The following MECOM variants were observed in gnomAD, a reference collection of about 807,000 sequenced individuals.
The protein encoded by MECOM is MDS1 and EVI1 complex locus.
In MECOM, 13 loss-of-function variants were observed where a neutral mutation model predicts 116.3. The ratio of observed to expected loss-of-function variants is 0.11; its 90% CI spans 0.07 to 0.18. The LOEUF is 0.18. Among genes scored for constraint, MECOM ranks in the 10% least tolerant of loss-of-function variants. The pLI is 1.00. For missense variants in MECOM, 1,299 were observed against 1,509.0 expected, an observed-to-expected ratio of 0.86 and a Z score of 2.31; for synonymous variants, 528 against 535.2, an observed-to-expected ratio of 0.99 and a Z score of 0.19.
chr3:169,129,964 T>C (rs2149194284), intron 4 of MECOM, among the ~76,000 whole-genome samples: 1 of 152,336 alleles, frequency 6.6e-6, no homozygotes, highest in South Asian at 2.1e-4. Context: ...TACATGTGTT[T>C]CATTTTCTTT....
rs138113138 is a variant in MECOM, at chr3:169,567,390, G to A, written c.37+95946C>T. Among the ~76,000 whole-genome samples the A allele has an allele frequency of 6.6e-3, 999 of 152,280 alleles. 14 individuals carry two copies. Among genetic ancestry groups the A allele is most frequent in the African/African-American group, 0.023 (954 of 41,530 alleles). ...TAGCATGTGGCAGGACTTGGATTCC[G>A]ACTGAAGACTCTTTTAATTCAAAGG... On this transcript the variant is annotated intron_variant, in intron 1 of 16. Coordinates refer to ENST00000651503, the MANE Select transcript of MECOM (RefSeq NM_004991.4).
intron 1 of MECOM, among the ~76,000 whole-genome samples, chr3:169,387,857 A>T (rs1453237916): frequency 6.6e-6 from 1 of 152,116 alleles, no homozygotes; most frequent in Non-Finnish European, 1.5e-5. Flanking sequence ...TGCCAAGAGG[A>T]GCTCAACTAG....
rs1728991341 is a variant in MECOM, at chr3:169,115,818, T to C, written c.2054A>G (p.Lys685Arg). 4 of 1,613,962 alleles carry C rather than the reference T, an allele frequency of 2.5e-6. No homozygotes were observed. In the South Asian group the frequency reaches 3.3e-5, roughly 13 times the overall value. Reference sequence around the variant, plus strand: ...GGAAGGGTAAGGTAAAGCTCCAACTTTTTTGTCTTGCAGCCCCACCAGTCC... The same window carrying C: ...GGAAGGGTAAGGTAAAGCTCCAACTCTTTTGTCTTGCAGCCCCACCAGTCC... ...STGLVGLQDK[K>R]VGALPYPSMF... The change falls in exon 8 of 17, where the codon AAA becomes AGA. Residue 685 changes from lysine to arginine, a missense_variant. By Grantham distance (26) the Lys-to-Arg change is conservative (BLOSUM62 2). This residue lies in a region of MECOM where 340 missense variants were observed against 312.6 expected (regional missense o/e 1.09). Transcript: ENST00000651503.
chr3:169,546,686 G>A (rs758382708), intron 1 of MECOM, among the ~76,000 whole-genome samples: 83 of 152,018 alleles, frequency 5.5e-4, no homozygotes, highest in South Asian at 1.7e-3. Context: ...CTGGCTATTA[G>A]GTGTTCTACT....
intron 1 of MECOM, among the ~76,000 whole-genome samples, chr3:169,652,298 C>T (rs751196499): frequency 1.3e-5 from 2 of 152,148 alleles, no homozygotes; most frequent in Admixed American, 6.5e-5. Context: ...TCCCTCCATT[C>T]GTTTTTATTA....
rs1753917740 is a variant in MECOM, at chr3:169,235,483, A to C, written c.376-91651T>G. On this transcript the variant is annotated intron_variant, in intron 2 of 16. Coordinates refer to ENST00000651503, the MANE Select transcript of MECOM (RefSeq NM_004991.4). ...TATTGTTAATGACAAATGCACATGC[A>C]TACACACACACACCTCTCACATATG... Among the ~76,000 whole-genome samples the C allele has an allele frequency of 2.6e-5, 4 of 152,184 alleles. No homozygotes were observed. In the South Asian group the frequency reaches 8.3e-4, roughly 31 times the overall value.
chr3:169,599,285 G>A (rs1297591465), intron 1 of MECOM, among the ~76,000 whole-genome samples: 2 of 152,154 alleles, frequency 1.3e-5, no homozygotes, highest in Non-Finnish European at 2.9e-5. Flanking sequence ...GAAGGCCGAG[G>A]CGGGCAGATC....
intron 2 of MECOM, among the ~76,000 whole-genome samples, chr3:169,336,251 A>G (rs1723572831): frequency 6.6e-6 from 1 of 152,066 alleles, no homozygotes; most frequent in South Asian, 2.1e-4. Context: ...TTTCCTGAGT[A>G]CAATCTAGGG....
chr3:169,348,909 A>AT (rs749820098), intron 2 of MECOM, among the ~76,000 whole-genome samples: 1 of 151,754 alleles, frequency 6.6e-6, no homozygotes, highest in Non-Finnish European at 1.5e-5. Flanking sequence ...GGGTACTTTT[A>AT]TTTTTCAAAT....
chr3:169,128,427 G>GA (rs1413469784), intron 4 of MECOM, among the ~76,000 whole-genome samples: 1 of 152,188 alleles, frequency 6.6e-6, no homozygotes, highest in East Asian at 1.9e-4. Context: ...TTGTAAGTCA[G>GA]ATTTTTATCC....
chr3:169,646,556 G>C (rs966027014), intron 1 of MECOM, among the ~76,000 whole-genome samples: 1 of 152,014 alleles, frequency 6.6e-6, no homozygotes, highest in African/African-American at 2.4e-5. Context: ...CAATTAAGTA[G>C]CTAGTGAAAT....
chr3:169,563,668 T>C (rs1037619778), intron 1 of MECOM, among the ~76,000 whole-genome samples: 2 of 152,186 alleles, frequency 1.3e-5, no homozygotes, highest in African/African-American at 2.4e-5. Context: ...AACTTGATTA[T>C]AATAGTTCCG....
intron 1 of MECOM, among the ~76,000 whole-genome samples, chr3:169,486,017 T>C (rs182682543): frequency 0.042 from 4,643 of 111,684 alleles, 109 homozygotes; most frequent in East Asian, 0.14. Context: ...TATATATATA[T>C]GTATATATAG....
intron 2 of MECOM, among the ~76,000 whole-genome samples, chr3:169,357,000 A>C (rs1445608318): frequency 6.6e-6 from 1 of 151,910 alleles, no homozygotes; most frequent in African/African-American, 2.4e-5. Context: ...CAGAATTTTC[A>C]AAATCTGCCA....
chr3:169,294,361 T>C lies in MECOM; in HGVS notation c.375+86826A>G, dbSNP rs1715184574. On this transcript the variant is annotated intron_variant, in intron 2 of 16. Transcript: ENST00000651503. ...TTGCAATTTCTACAGGCAGGTGTTT[T>C]CAGGGGAAAGTTAGCCAAACACAGA... Among the ~76,000 whole-genome samples, 3 of 152,192 alleles carry C rather than the reference T, an allele frequency of 2.0e-5. 1 individual carries two copies. In the South Asian group the frequency reaches 6.2e-4, roughly 32 times the overall value.
chr3:169,476,775 AG>A (rs1750463044), intron 1 of MECOM: 1 of 151,836 alleles, frequency 6.6e-6, no homozygotes, highest in South Asian at 2.1e-4. Flanking sequence ...AACAGGAGCC[AG>A]GTGACCTTTG....
rs1771020437 is a variant in MECOM at position 169,623,720 on chromosome 3, C to A, written c.37+39616G>T. ...ATTCTCCTCTACTGACCCTACTTGG[C>A]CCTTAAAAAAAATCATCTAGGAACA... On this transcript the variant is annotated intron_variant, in intron 1 of 16. Transcript: ENST00000651503. Among the ~76,000 whole-genome samples, 3 of 151,848 alleles carry A rather than the reference C, an allele frequency of 2.0e-5. No individual in the cohort carries two copies. The South Asian group carries it at 6.2e-4, about 32-fold the overall frequency.
At chr3:169,186,249 A>T (rs1183477967) in intron 2 of MECOM, among the ~76,000 whole-genome samples, 2 of 151,888 alleles carry the variant, frequency 1.3e-5, no homozygotes, top group East Asian at 3.9e-4. Flanking sequence ...GGGCTAAAAC[A>T]TTTGAGAAAT....
At chr3:169,191,721 AAAGAAAGAAAGAAAGAAAG>A (rs748854269) in intron 2 of MECOM, among the ~76,000 whole-genome samples, 8,378 of 57,988 alleles carry the variant, frequency 0.14, 418 homozygotes, top group East Asian at 0.2. Context: ...AGAAAGAAAA[AAAGAAAGAAAGAAAGAAAG>A]AGAAAGAAAG....
Sources: gnomAD v4.1 joint callset for allele counts (sites outside exome capture counted in the v4.1 genomes callset) on GRCh38, gnomAD v4.1.1 for gene constraint, gnomAD v4.1.1 regional missense constraint, MANE v1.5 for transcripts, NCBI Gene and HGNC (gene_info 2026-07-23, HGNC 2026-07-21) for gene names.